Variants in NALCN observed in about 807,000 individuals in gnomAD.
NALCN encodes the protein sodium leak channel NALCN.
NALCN carries 111 observed loss-of-function variants against 225.3 expected under a neutral mutation model. The observed-to-expected ratio is 0.49, with a 90% CI of 0.42 to 0.58. NALCN has a LOEUF of 0.58. Among genes scored for constraint, NALCN ranks in the 20% least tolerant of loss-of-function variants. The pLI, the probability that NALCN is intolerant of heterozygous loss-of-function variation, is 0.00. For missense variants in NALCN, 1,378 were observed against 2,202.4 expected, an observed-to-expected ratio of 0.63 and a Z score of 7.49; for synonymous variants, 764 against 769.0, an observed-to-expected ratio of 0.99 and a Z score of 0.11.
At position 101,054,348 on chromosome 13, in the gene NALCN, C is replaced by T. The variant is rs1412525051; in HGVS notation, c.*947G>A. 6.6e-6 allele frequency: 1 copy of T among 152,158 alleles called. No individual in the cohort carries two copies. Among genetic ancestry groups the T allele is most frequent in the African/African-American group, 2.4e-5 (1 of 41,428 alleles). The allele number at this position is 152,158 out of a possible 1,614,324, so 9.4% of individuals were successfully genotyped here. On this transcript the variant is annotated 3_prime_UTR_variant, in exon 44 of 44. Coordinates refer to ENST00000251127, the MANE Select transcript of NALCN (RefSeq NM_052867.4). The stretch of plus-strand genomic sequence containing the variant: ...AACAGAGATGTCATTTCAAATCTAA[C>T]GTAGCAATGGTGTGTTAGGATCACC...
At position 101,234,628 on chromosome 13, in the gene NALCN, C is replaced by A. The variant is rs1272183735; in HGVS notation, c.1434+3127G>T. Among the ~76,000 whole-genome samples the A allele has an allele frequency of 3.3e-5, 5 of 152,102 alleles. No individual in the cohort carries two copies. The South Asian group carries it at 6.2e-4, about 19-fold the overall frequency. On this transcript the variant is annotated intron_variant, in intron 12 of 43. Transcript: ENST00000251127. ...GTTTCTCAAGAGATTTACTTTCTAGCCACAAATTAACTGAGATCATTTTTA... is the reference window on the plus strand; with the variant it reads ...GTTTCTCAAGAGATTTACTTTCTAGACACAAATTAACTGAGATCATTTTTA...
intron 13 of NALCN, among the ~76,000 whole-genome samples, chr13:101,227,909 G>A (rs529049249): frequency 5.3e-5 from 8 of 152,318 alleles, no homozygotes; most frequent in East Asian, 3.9e-4. Flanking sequence ...ATGGGAATCC[G>A]TTCCCTTGCA....
At chr13:101,167,399 T>G (rs753136352) in intron 15 of NALCN, among the ~76,000 whole-genome samples, 1 of 152,234 alleles carries the variant, frequency 6.6e-6, no homozygotes, top group Non-Finnish European at 1.5e-5. Context: ...GGTTTATAAA[T>G]TCATTATAAG....
chr13:101,381,264 T>C lies in NALCN; in HGVS notation c.292-2611A>G, dbSNP rs556789641. The stretch of plus-strand genomic sequence containing the variant: ...GGAAGAGAAAAGCTGCATCTTAGGA[T>C]GCTACCGATGCTACTGGTGTTTATG... On this transcript the variant is annotated intron_variant, in intron 3 of 43. Transcript: ENST00000251127. Among the ~76,000 whole-genome samples, 10 of 152,276 alleles carry C rather than the reference T, an allele frequency of 6.6e-5. No individual in the cohort carries two copies. In the South Asian group the frequency reaches 2.1e-3, roughly 32 times the overall value.
intron 17 of NALCN, among the ~76,000 whole-genome samples, chr13:101,139,372 A>G (rs920542452): frequency 6.6e-6 from 1 of 152,152 alleles, no homozygotes; most frequent in African/African-American, 2.4e-5. Context: ...GTCTTCAGGC[A>G]CCTGGGGCTT....
chr13:101,075,114 A>T (rs2033166884), intron 35 of NALCN, among the ~76,000 whole-genome samples: 1 of 152,206 alleles, frequency 6.6e-6, no homozygotes, highest in Admixed American at 6.5e-5. Flanking sequence ...ATCAAATATT[A>T]AGTATATTGG....
At chr13:101,083,858 GA>G in intron 30 of NALCN, 54 bp from the exon 31 acceptor site, 1 of 1,540,732 alleles carries the variant, frequency 6.5e-7, no homozygotes, top group Non-Finnish European at 8.9e-7. Flanking sequence ...CTTGCACCAA[GA>G]ACATGGCAGA....
chr13:101,337,547 A>C (rs1191992612), intron 7 of NALCN, among the ~76,000 whole-genome samples: 1 of 152,130 alleles, frequency 6.6e-6, no homozygotes, highest in South Asian at 2.1e-4. Flanking sequence ...ACCTCAGGTG[A>C]TCTGCCTGCC....
intron 6 of NALCN, among the ~76,000 whole-genome samples, chr13:101,366,446 A>G (rs2046378609): frequency 6.6e-6 from 1 of 152,170 alleles, no homozygotes; most frequent in Non-Finnish European, 1.5e-5. Context: ...TGTCATGATT[A>G]GGCTATAATA....
chr13:101,234,092 C>A (rs984673452), intron 12 of NALCN, among the ~76,000 whole-genome samples: 6 of 152,192 alleles, frequency 3.9e-5, no homozygotes, highest in Non-Finnish European at 8.8e-5. Flanking sequence ...CTTCTATGAA[C>A]AACTAATCTA....
intron 14 of NALCN, among the ~76,000 whole-genome samples, chr13:101,179,397 G>C (rs79972364): frequency 0.027 from 4,117 of 152,186 alleles, 72 homozygotes; most frequent in Non-Finnish European, 0.04. Context: ...CATAAAATTA[G>C]TTATGCAAAG....
chr13:101,130,050 C>G (rs1016824314), intron 17 of NALCN, among the ~76,000 whole-genome samples: 2 of 152,122 alleles, frequency 1.3e-5, no homozygotes, highest in Admixed American at 6.5e-5. Context: ...GACATGAGCT[C>G]ATTCTTTTAT....
chr13:101,191,789 A>G, intron 14 of NALCN, 128 bp downstream of exon 14: 1 of 871,580 alleles, frequency 1.1e-6, no homozygotes, highest in South Asian at 1.8e-5. Context: ...GAGGGATCTC[A>G]TCCAACCAGA....
At chr13:101,160,111 T>G (rs9554759) in intron 15 of NALCN, among the ~76,000 whole-genome samples, 191 of 152,098 alleles carry the variant, frequency 1.3e-3, no homozygotes, top group South Asian at 0.01. Context: ...CACACCACCA[T>G]GCCTGACTAA....
chr13:101,103,431 A>G (rs1192150221), intron 25 of NALCN, 92 bp from the exon 26 acceptor site: 1 of 1,424,124 alleles, frequency 7.0e-7, no homozygotes, highest in East Asian at 2.4e-5. Flanking sequence ...CTTTTCATTT[A>G]GCAGAGATTC....
At chr13:101,064,518 T>C (rs1277277161) in intron 40 of NALCN, among the ~76,000 whole-genome samples, 1 of 151,638 alleles carries the variant, frequency 6.6e-6, no homozygotes, top group Non-Finnish European at 1.5e-5. Flanking sequence ...CCTAATGTAA[T>C]ACGACAGATG....
At chr13:101,207,741 G>C (rs1477427935) in intron 13 of NALCN, among the ~76,000 whole-genome samples, 1 of 152,174 alleles carries the variant, frequency 6.6e-6, no homozygotes, top group African/African-American at 2.4e-5. Flanking sequence ...CAATCAGCAG[G>C]ATGTGGGTGG....
Position 101,295,245 on chromosome 13 carries a change from CT to C in NALCN, c.800-2880del, listed in dbSNP as rs758249904. On this transcript the variant is annotated intron_variant, in intron 7 of 43. Transcript: ENST00000251127. ...GTACTAACACTGGACAATACCTTTG[CT>C]TTATGTGCACTGAATATGAAACATA... 3.9e-4 allele frequency among the ~76,000 whole-genome samples: 59 copies of C among 152,242 alleles called. 1 individual carries two copies. Among genetic ancestry groups the C allele is most frequent in the African/African-American group, 1.3e-3 (53 of 41,546 alleles).
intron 27 of NALCN, among the ~76,000 whole-genome samples, chr13:101,097,700 G>A (rs959498745): frequency 5.9e-5 from 9 of 152,266 alleles, no homozygotes; most frequent in Admixed American, 4.6e-4. Flanking sequence ...TGGGCACTAG[G>A]ATGTGTCTGA....
Sources: allele counts gnomAD v4.1 joint callset (sites outside exome capture counted in the v4.1 genomes callset), GRCh38; gene constraint gnomAD v4.1.1; transcripts MANE v1.5; gene names NCBI Gene and HGNC (gene_info 2026-07-23, HGNC 2026-07-21).